Variants in SYT7 observed in about 807,000 individuals in gnomAD.
SYT7 encodes the protein synaptotagmin 7.
In SYT7, 29 loss-of-function variants were observed where a neutral mutation model predicts 75.1. The observed-to-expected ratio is 0.39, with a 90% CI of 0.29 to 0.53. The LOEUF is 0.53. Ranked by LOEUF, SYT7 falls within the 20% of genes least tolerant of loss-of-function variation. The probability of loss-of-function intolerance (pLI) is 0.77; values close to 1 mark genes in which losing one functional copy is unlikely to be tolerated. For missense variants in SYT7, 693 were observed against 953.2 expected (o/e 0.73, Z 3.59); for synonymous variants, 376 against 401.7 (o/e 0.94, Z 0.76).
chr11:61,537,958 C>T (rs1347878092), intron 7 of SYT7, among the ~76,000 whole-genome samples, 186 bp downstream of exon 7: 1 of 152,142 alleles, frequency 6.6e-6, no homozygotes, highest in African/African-American at 2.4e-5. Context: ...TGGCCTCAGA[C>T]CCCAGGGACA....
At chr11:61,544,602 C>G (rs2063134166) in intron 5 of SYT7, among the ~76,000 whole-genome samples, 1 of 152,168 alleles carries the variant, frequency 6.6e-6, no homozygotes, top group Non-Finnish European at 1.5e-5. Flanking sequence ...CCTCCTCCCC[C>G]TCCTTGGTGA....
chr11:61,575,000 G>A (rs548360521), intron 1 of SYT7, among the ~76,000 whole-genome samples: 1 of 152,134 alleles, frequency 6.6e-6, no homozygotes, highest in South Asian at 2.1e-4. Flanking sequence ...TGCCCTGGCT[G>A]GTGGCAGGGT....
At chr11:61,525,030 T>C (rs1036042971) in intron 9 of SYT7, among the ~76,000 whole-genome samples, 5 of 152,064 alleles carry the variant, frequency 3.3e-5, no homozygotes, top group Admixed American at 6.5e-5. Flanking sequence ...AAGCAGGAGG[T>C]GACAAGTGTC....
intron 4 of SYT7, 69 bp downstream of exon 4, chr11:61,547,108 G>T: frequency 6.7e-7 from 1 of 1,501,494 alleles, no homozygotes; most frequent in East Asian, 2.5e-5. Flanking sequence ...GTGGGTGGGG[G>T]CAGGAGGAGG....
chr11:61,527,674 T>G (rs778064040), intron 9 of SYT7, among the ~76,000 whole-genome samples: 3 of 152,224 alleles, frequency 2.0e-5, no homozygotes, highest in Non-Finnish European at 4.4e-5. Flanking sequence ...ACGCATCAGG[T>G]TAACCGGGCC....
intron 8 of SYT7, among the ~76,000 whole-genome samples, chr11:61,531,890 T>TC: frequency 1.6e-5 from 1 of 62,222 alleles, no homozygotes; most frequent in East Asian, 4.3e-4. Context: ...TGATTCTGTC[T>TC]CAAAAAAAAA....
At chr11:61,547,083 T>G (rs1733220127) in intron 4 of SYT7, 94 bp downstream of exon 4, 4 of 1,386,954 alleles carry the variant, frequency 2.9e-6, no homozygotes, top group South Asian at 1.4e-5. Context: ...AGAGAGGGAG[T>G]GAGCGGGTCC....
intron 1 of SYT7, among the ~76,000 whole-genome samples, chr11:61,577,460 C>T (rs891418491): frequency 1.3e-5 from 2 of 152,204 alleles, no homozygotes; most frequent in African/African-American, 4.8e-5. Context: ...ACACTCCAGC[C>T]CTGGCCTCTA....
At chr11:61,583,513 G>C (rs1235151024), upstream of SYT7, among the ~76,000 whole-genome samples, 2 of 152,174 alleles carry the variant, frequency 1.3e-5, no homozygotes, top group African/African-American at 4.8e-5. Flanking sequence ...ACTGACCCAG[G>C]GAGCTAAAGG....
intron 8 of SYT7, among the ~76,000 whole-genome samples, chr11:61,529,804 T>A (rs2062648081): frequency 6.6e-6 from 1 of 152,164 alleles, no homozygotes; most frequent in South Asian, 2.1e-4. Context: ...CTGGCTGATT[T>A]TTGTACTTTT....
At chr11:61,540,206 G>A (rs1404032601) in intron 6 of SYT7, 2 of 152,104 alleles carry the variant, frequency 1.3e-5, no homozygotes, top group African/African-American at 4.8e-5. Context: ...CAATGTTAGG[G>A]GAGTCACGAC....
Position 61,524,422 on chromosome 11 carries a change from C to T in SYT7, c.1582G>A (p.Val528Met), listed in dbSNP as rs747644251. ...AAGGTCTGCATCTGGGTCAGGTCCACCTTGTTAAGGGGGATGGACACCTCC... is the reference window on the plus strand; with the variant it reads ...AAGGTCTGCATCTGGGTCAGGTCCATCTTGTTAAGGGGGATGGACACCTCC... ...IGEVSIPLNKVDLTQMQTFWK... is the reference protein window; with the variant it reads ...IGEVSIPLNKMDLTQMQTFWK... Residue 528 changes from valine (V) to methionine (M), a missense_variant, in exon 10 of 13, where the codon GTG becomes ATG. By Grantham distance (21) the Val-to-Met change is conservative. This residue lies in a region of SYT7 where 206 missense variants were observed against 360.0 expected (regional missense o/e 0.57). Transcript: ENST00000539008. This position sits in a 1 kb window ranked among gnomAD's most constrained non-coding sequence, Gnocchi z 4.1. The T allele has an allele frequency of 9.9e-6, 16 of 1,614,080 alleles. 1 individual carries two copies. In the Middle Eastern group the frequency reaches 6.6e-4, roughly 67 times the overall value.
At chr11:61,526,167 G>C (rs1308215868) in intron 9 of SYT7, 1 of 152,250 alleles carries the variant, frequency 6.6e-6, no homozygotes, top group African/African-American at 2.4e-5. Flanking sequence ...GACAGGAGCA[G>C]GTGAGCTGGA....
At chr11:61,565,432 A>G (rs1276060080) in intron 1 of SYT7, among the ~76,000 whole-genome samples, 1 of 152,186 alleles carries the variant, frequency 6.6e-6, no homozygotes, top group Non-Finnish European at 1.5e-5. Context: ...AAAGCCAGTG[A>G]GCTAAACCCT....
chr11:61,566,206 T>C (rs2063763512), intron 1 of SYT7, among the ~76,000 whole-genome samples: 1 of 152,194 alleles, frequency 6.6e-6, no homozygotes, highest in African/African-American at 2.4e-5. Context: ...GTTCCACAGT[T>C]TACTGAGGGT....
Position 61,580,707 on chromosome 11 carries a change from C to G in SYT7, c.31+83G>C. The stretch of plus-strand genomic sequence containing the variant: ...GCTCCGGGCGGACAACAGCCCCAGG[C>G]TGGGGCTCCGAGACGGCGTCCGGCG... On this transcript the variant is annotated intron_variant, in intron 1 of 12. Transcript: ENST00000539008. The surrounding 1 kb of genome is among the most constrained non-coding windows in gnomAD (Gnocchi z 6.1). The G allele has an allele frequency of 1.0e-6, 1 of 973,728 alleles. No individual in the cohort carries two copies. Among genetic ancestry groups the G allele is most frequent in the East Asian group, 3.6e-5 (1 of 27,574 alleles). 60.3% of individuals were successfully genotyped at this position (973,728 alleles called of 1,614,324 possible). A position where few individuals can be genotyped will look rare whatever the true frequency, so the allele number is the denominator to read the frequency against.
At chr11:61,573,262 C>A (rs1565210208) in intron 1 of SYT7, among the ~76,000 whole-genome samples, 1 of 152,202 alleles carries the variant, frequency 6.6e-6, no homozygotes, top group African/African-American at 2.4e-5. Context: ...TGGGCCTGCC[C>A]ATCTTGGCTC....
intron 8 of SYT7, chr11:61,530,701 G>T: frequency 1.4e-6 from 1 of 739,670 alleles, no homozygotes; most frequent in Non-Finnish European, 1.7e-6. Flanking sequence ...GGTCCCTCTG[G>T]TCCCTTGGCT....
At chr11:61,566,472 C>T (rs1400163273) in intron 1 of SYT7, among the ~76,000 whole-genome samples, 1 of 152,218 alleles carries the variant, frequency 6.6e-6, no homozygotes, top group Non-Finnish European at 1.5e-5. Flanking sequence ...GGGCCAGGTG[C>T]CAGCTCTGAG....
Sources: allele counts gnomAD v4.1 joint callset (sites outside exome capture counted in the v4.1 genomes callset), GRCh38; gene constraint gnomAD v4.1.1; regional missense constraint gnomAD v4.1.1; non-coding constraint Gnocchi (gnomAD v3.1); transcripts MANE v1.5; gene names NCBI Gene and HGNC (gene_info 2026-07-23, HGNC 2026-07-21).